BMPR2: variants seen among roughly 807,000 people sequenced by gnomAD.
The protein encoded by BMPR2 is bone morphogenetic protein receptor type 2.
BMPR2 carries 29 observed loss-of-function variants against 100.8 expected under a neutral mutation model. The observed-to-expected ratio is 0.29, with a 90% CI of 0.21 to 0.39. The LOEUF (loss-of-function observed/expected upper bound fraction) is 0.39. Ranked by LOEUF, BMPR2 falls within the 10% of genes least tolerant of loss-of-function variation. The pLI, the probability that BMPR2 is intolerant of heterozygous loss-of-function variation, is 1.00. For missense variants in BMPR2, 1,011 were observed against 1,274.5 expected (o/e 0.79, Z 3.15); for synonymous variants, 382 against 442.3 (o/e 0.86, Z 1.71).
rs1691944293 is a variant in BMPR2, at chr2:202,450,002, T to TGG, written c.77-14802_77-14801dup. The stretch of plus-strand genomic sequence containing the variant: ...GCATGCACGTGTGATCCCAGCAATC[T>TGG]GGGGGGCTGAGGCAGGGGAATTGCT... On this transcript the variant is annotated intron_variant, in intron 1 of 12. Transcript: ENST00000374580. Among the ~76,000 whole-genome samples the TGG allele has an allele frequency of 2.6e-5, 4 of 151,732 alleles. No homozygotes were observed. In the South Asian group the frequency reaches 8.3e-4, roughly 32 times the overall value.
At chr2:202,549,946 C>T (rs1688446576) in intron 10 of BMPR2, among the ~76,000 whole-genome samples, 1 of 151,954 alleles carries the variant, frequency 6.6e-6, no homozygotes, top group Non-Finnish European at 1.5e-5. Context: ...CATTGTATCA[C>T]CCAGGCTGGA....
intron 1 of BMPR2, among the ~76,000 whole-genome samples, chr2:202,403,664 G>T (rs756003986): frequency 2.0e-5 from 3 of 152,094 alleles, no homozygotes; most frequent in Non-Finnish European, 2.9e-5. Flanking sequence ...ATTTTAAAAA[G>T]TTTCAAACCT....
At chr2:202,440,370 G>A (rs1194461634) in intron 1 of BMPR2, among the ~76,000 whole-genome samples, 1 of 149,142 alleles carries the variant, frequency 6.7e-6, no homozygotes, top group Admixed American at 6.6e-5. Context: ...TCCCAGACGG[G>A]GCGGCGGGGC....
At chr2:202,416,427 ATT>A (rs57196325) in intron 1 of BMPR2, among the ~76,000 whole-genome samples, 6 of 136,962 alleles carry the variant, frequency 4.4e-5, no homozygotes, top group Non-Finnish European at 3.1e-5. Flanking sequence ...CACCTGGATA[ATT>A]TTTTTTTTTT....
chr2:202,391,583 C>T (rs1412283414), intron 1 of BMPR2, among the ~76,000 whole-genome samples: 11 of 150,634 alleles, frequency 7.3e-5, no homozygotes, highest in Non-Finnish European at 1.0e-4. Context: ...TGCACCAACA[C>T]ACCTGACCAG....
rs1346014087 is a variant in BMPR2, at chr2:202,376,555, G to GCCT, written c.-919_-918insCTC. On this transcript the variant is annotated 5_prime_UTR_variant, in exon 1 of 13. Transcript: ENST00000374580. ...GGCGGCGGCGGCGGCGGCAGCAGCA[G>GCCT]CGGCTTCCTCGGGGGGTTGTGATTC... Among the ~76,000 whole-genome samples, 1 of 141,074 alleles carries GCCT rather than the reference G, an allele frequency of 7.1e-6. No homozygotes were observed. Among genetic ancestry groups the GCCT allele is most frequent in the Non-Finnish European group, 1.5e-5 (1 of 65,268 alleles). The allele number at this position is 141,074 out of a possible 152,430, so 92.6% of individuals were successfully genotyped here. A position where few individuals can be genotyped will look rare whatever the true frequency, so the allele number is the denominator to read the frequency against.
At chr2:202,462,699 T>TTTGTTG (rs766953765) in intron 1 of BMPR2, among the ~76,000 whole-genome samples, 1 of 151,834 alleles carries the variant, frequency 6.6e-6, no homozygotes, top group Non-Finnish European at 1.5e-5. Context: ...GGTTTTGTTT[T>TTTGTTG]TTGTTGTTGT....
chr2:202,539,163 A>T (rs1471763771), intron 9 of BMPR2, among the ~76,000 whole-genome samples: 1 of 152,172 alleles, frequency 6.6e-6, no homozygotes, highest in Non-Finnish European at 1.5e-5. Flanking sequence ...GTATTAGAAA[A>T]CTTTAAGAAC....
In BMPR2 at chr2:202,530,812, T is replaced by C; in HGVS notation, c.986T>C (p.Ile329Thr). 1 of 1,613,048 alleles carries C rather than the reference T, an allele frequency of 6.2e-7. No homozygotes were observed. The highest frequency in any genetic ancestry group is 8.5e-7 in the Non-Finnish European group (1 of 1,179,174). The change falls in exon 8 of 13, where the codon ATT (isoleucine) becomes ACT (threonine). Residue 329 changes from isoleucine to threonine, a missense_variant. Transcript: ENST00000374580. ...LPRGDHYKPA[I>T]SHRDLNSRNV... The stretch of plus-strand genomic sequence containing the variant: ...CAAACAGATCATTATAAACCTGCAA[T>C]TTCCCATCGAGATTTAAACAGCAGA...
At chr2:202,551,397 G>A (rs577598930) in intron 10 of BMPR2, among the ~76,000 whole-genome samples, 4 of 151,336 alleles carry the variant, frequency 2.6e-5, no homozygotes, top group Admixed American at 2.6e-4. Context: ...GGTGGCAGGC[G>A]CCTATAATCT....
At chr2:202,417,297 C>T (rs936666489) in intron 1 of BMPR2, among the ~76,000 whole-genome samples, 2 of 152,122 alleles carry the variant, frequency 1.3e-5, no homozygotes, top group African/African-American at 4.8e-5. Flanking sequence ...CCACCATGCC[C>T]GGCTAATTTA....
intron 1 of BMPR2, among the ~76,000 whole-genome samples, chr2:202,430,883 C>T (rs928906688): frequency 3.4e-5 from 5 of 149,160 alleles, no homozygotes; most frequent in African/African-American, 5.1e-5. Flanking sequence ...TGCTTGAACC[C>T]GGGAGGCGGA....
At chr2:202,515,051 A>G (rs548408891) in intron 5 of BMPR2, 72 bp downstream of exon 5, 16 of 1,380,122 alleles carry the variant, frequency 1.2e-5, no homozygotes, top group African/African-American at 1.1e-4. Context: ...ACTTCATTCA[A>G]TCATTAAGAC....
Position 202,517,976 on chromosome 2 carries a change from CTT to C in BMPR2, c.622-826_622-825del, listed in dbSNP as rs67110605. 2.5e-3 allele frequency among the ~76,000 whole-genome samples: 221 copies of C among 88,434 alleles called. 1 individual carries two copies. The highest frequency in any genetic ancestry group is 3.1e-3 in the Non-Finnish European group (146 of 46,430). 58.0% of individuals were successfully genotyped at this position (88,434 alleles called of 152,430 possible). On this transcript the variant is annotated intron_variant, in intron 5 of 12. Coordinates refer to ENST00000374580, the MANE Select transcript of BMPR2 (RefSeq NM_001204.7). Reference sequence around the variant, plus strand: ...TACAGGCGCCCACCACCACGCCTGACTTTTTTTTTTTTTTTTTTTTTGTATTT... The same window carrying C: ...TACAGGCGCCCACCACCACGCCTGACTTTTTTTTTTTTTTTTTTTGTATTT...
chr2:202,562,145 C>T lies in BMPR2; in HGVS notation c.*2199C>T, dbSNP rs1428594804. 6.6e-6 allele frequency: 1 copy of T among 152,096 alleles called. No individual in the cohort carries two copies. The highest frequency in any genetic ancestry group is 1.5e-5 in the Non-Finnish European group (1 of 67,966). 9.4% of individuals were successfully genotyped at this position (152,096 alleles called of 1,614,324 possible). On this transcript the variant is annotated 3_prime_UTR_variant, in exon 13 of 13. Transcript: ENST00000374580. ...CTTTGAATCAAAATAAATTATGTTC[C>T]TTCTCCAATTTGAAGCATTGAGGAT... is the stretch of plus-strand genomic sequence containing the variant.
chr2:202,412,211 TAAG>T (rs1382103848), intron 1 of BMPR2, among the ~76,000 whole-genome samples: 1 of 152,202 alleles, frequency 6.6e-6, no homozygotes, highest in East Asian at 1.9e-4. Context: ...TAAATATATT[TAAG>T]ATGATAGAAG....
At chr2:202,536,186 C>T (rs776488653) in intron 9 of BMPR2, among the ~76,000 whole-genome samples, 1 of 152,084 alleles carries the variant, frequency 6.6e-6, no homozygotes, top group Non-Finnish European at 1.5e-5. Flanking sequence ...GATCACAGCT[C>T]ACTGCAGCCT....
chr2:202,490,553 T>G (rs1410231548), intron 3 of BMPR2, among the ~76,000 whole-genome samples: 1 of 152,252 alleles, frequency 6.6e-6, no homozygotes, highest in East Asian at 1.9e-4. Context: ...TTTCTCACTC[T>G]GCTAGCTTTT....
At chr2:202,393,978 G>C (rs191117680) in intron 1 of BMPR2, among the ~76,000 whole-genome samples, 1 of 147,198 alleles carries the variant, frequency 6.8e-6, no homozygotes, top group East Asian at 2.2e-4. Flanking sequence ...TAATTATCTT[G>C]AGAACTGTGT....
Sources: gnomAD v4.1 joint callset for allele counts (sites outside exome capture counted in the v4.1 genomes callset) on GRCh38, gnomAD v4.1.1 for gene constraint, MANE v1.5 for transcripts, NCBI Gene and HGNC (gene_info 2026-07-23, HGNC 2026-07-21) for gene names.